Variants in RAB38 observed in about 807,000 individuals in gnomAD.
The protein encoded by RAB38 is RAB38, member RAS oncogene family.
In RAB38, 15 loss-of-function variants were observed where a neutral mutation model predicts 18.4. The ratio of observed to expected loss-of-function variants is 0.82; its 90% CI spans 0.55 to 1.26. The LOEUF (loss-of-function observed/expected upper bound fraction) is 1.26, where lower values mean the gene tolerates loss of function less well. Ranked by LOEUF, RAB38 falls within the 50% of genes most tolerant of loss-of-function variation. The probability of loss-of-function intolerance (pLI) is 0.00; values close to 1 mark genes in which losing one functional copy is unlikely to be tolerated. For missense variants in RAB38, 294 were observed against 267.4 expected, an observed-to-expected ratio of 1.10 and a Z score of -0.69; for synonymous variants, 101 against 104.4, an observed-to-expected ratio of 0.97 and a Z score of 0.20.
the RAB38 span, among the ~76,000 whole-genome samples, chr11:87,806,480 T>C: frequency 6.6e-6 from 1 of 152,168 alleles, no homozygotes; most frequent in Non-Finnish European, 1.5e-5. Flanking sequence ...AAGGCTCCAT[T>C]CTCTAATACT....
At chr11:87,807,403 G>A in the RAB38 span, among the ~76,000 whole-genome samples, 2 of 152,134 alleles carry the variant, frequency 1.3e-5, no homozygotes, top group Non-Finnish European at 2.9e-5. Context: ...ACCAGAGTTC[G>A]AAAGTTTGAC....
At chr11:87,893,182 A>G in the RAB38 span, among the ~76,000 whole-genome samples, 1 of 151,214 alleles carries the variant, frequency 6.6e-6, no homozygotes, top group South Asian at 2.1e-4. Context: ...CTCACCAAAG[A>G]CCAGTTCTCT....
chr11:88,163,923 A>G (rs1378743457), intron 1 of RAB38, among the ~76,000 whole-genome samples: 1 of 152,108 alleles, frequency 6.6e-6, no homozygotes, highest in African/African-American at 2.4e-5. Flanking sequence ...AAGATCATCT[A>G]GCAATGTAAG....
chr11:88,050,373 G>A, the RAB38 span, among the ~76,000 whole-genome samples: 1 of 152,030 alleles, frequency 6.6e-6, no homozygotes, highest in Admixed American at 6.6e-5. Flanking sequence ...AGGAACACTG[G>A]AGAAACTCAA....
chr11:87,951,745 T>A, the RAB38 span, among the ~76,000 whole-genome samples: 1 of 152,088 alleles, frequency 6.6e-6, no homozygotes, highest in East Asian at 1.9e-4. Flanking sequence ...GCTCCCTGAT[T>A]GTTCCTCTGG....
chr11:87,913,685 G>A, the RAB38 span, among the ~76,000 whole-genome samples: 12 of 151,940 alleles, frequency 7.9e-5, no homozygotes, highest in African/African-American at 2.7e-4. Context: ...CTGTTCTCAC[G>A]GTAGTCTCTT....
the RAB38 span, among the ~76,000 whole-genome samples, chr11:88,003,866 A>ATATTAT: frequency 3.7e-5 from 1 of 27,082 alleles, no homozygotes; most frequent in Non-Finnish European, 6.4e-5. Flanking sequence ...ATATAAATAT[A>ATATTAT]ATTATATATT....
chr11:87,945,245 A>G, the RAB38 span, among the ~76,000 whole-genome samples: 1 of 152,142 alleles, frequency 6.6e-6, no homozygotes, highest in African/African-American at 2.4e-5. Context: ...TGCAATTAGC[A>G]TTACTTTTAT....
At chr11:87,818,007 C>A in the RAB38 span, among the ~76,000 whole-genome samples, 1 of 152,142 alleles carries the variant, frequency 6.6e-6, no homozygotes, top group African/African-American at 2.4e-5. Flanking sequence ...TTGGGCACAG[C>A]TGGCCTTGTG....
the RAB38 span, among the ~76,000 whole-genome samples, chr11:87,854,361 G>C: frequency 0.015 from 2,219 of 152,248 alleles, 89 homozygotes; most frequent in Admixed American, 0.076. Context: ...AAAGAATGAA[G>C]ACTATGAGAC....
chr11:88,081,689 G>A, the RAB38 span, among the ~76,000 whole-genome samples: 4 of 151,794 alleles, frequency 2.6e-5, no homozygotes, highest in South Asian at 2.1e-4. Context: ...CTCACAACCC[G>A]CCCTAATTCA....
intron 2 of RAB38, among the ~76,000 whole-genome samples, chr11:88,127,489 G>A (rs1055024922): frequency 3.9e-5 from 6 of 152,148 alleles, no homozygotes; most frequent in Non-Finnish European, 7.3e-5. Context: ...TGGAAATAGT[G>A]GTGGTATAAG....
At chr11:87,887,238 T>C in the RAB38 span, among the ~76,000 whole-genome samples, 1 of 152,006 alleles carries the variant, frequency 6.6e-6, no homozygotes, top group Non-Finnish European at 1.5e-5. Flanking sequence ...AACTCAGTTA[T>C]GTTTTACTCC....
chr11:87,818,053 A>T, the RAB38 span, among the ~76,000 whole-genome samples: 1 of 152,166 alleles, frequency 6.6e-6, no homozygotes, highest in African/African-American at 2.4e-5. Context: ...TTTGTCCCAT[A>T]CTATTTCTCA....
At chr11:88,125,773 G>A (rs758780407) in intron 2 of RAB38, among the ~76,000 whole-genome samples, 4 of 152,294 alleles carry the variant, frequency 2.6e-5, no homozygotes, top group Admixed American at 6.5e-5. Flanking sequence ...TGGTGTTTTA[G>A]ACATGAAGTC....
chr11:88,116,463 C>T (rs545518342), intron 2 of RAB38, among the ~76,000 whole-genome samples: 1 of 152,258 alleles, frequency 6.6e-6, no homozygotes, highest in South Asian at 2.1e-4. Flanking sequence ...TGAGATATTA[C>T]TACATATGTT....
chr11:87,835,017 C>T, the RAB38 span, among the ~76,000 whole-genome samples: 1 of 152,212 alleles, frequency 6.6e-6, no homozygotes, highest in East Asian at 1.9e-4. Flanking sequence ...TGTTCTCTTT[C>T]TCCTGTGCCA....
At chr11:87,870,345 C>G in the RAB38 span, among the ~76,000 whole-genome samples, 1 of 151,532 alleles carries the variant, frequency 6.6e-6, no homozygotes, top group Admixed American at 6.6e-5. Flanking sequence ...GTGAAAATGG[C>G]TCAGAATCAC....
At chr11:88,164,414 A>G (rs1203999493) in intron 1 of RAB38, among the ~76,000 whole-genome samples, 1 of 152,046 alleles carries the variant, frequency 6.6e-6, no homozygotes, top group Non-Finnish European at 1.5e-5. Context: ...TGATGTCATT[A>G]TATCTGTTTG....
Sources: gnomAD v4.1 joint callset for allele counts (sites outside exome capture counted in the v4.1 genomes callset) on GRCh38, gnomAD v4.1.1 for gene constraint, MANE v1.5 for transcripts, NCBI Gene and HGNC (gene_info 2026-07-23, HGNC 2026-07-21) for gene names.